The following HERC1 variants were observed in gnomAD, a reference collection of about 807,000 sequenced individuals.
The protein encoded by HERC1 is HECT and RLD domain containing E3 ubiquitin protein ligase family member 1.
In HERC1, 160 loss-of-function variants were observed where a neutral mutation model predicts 554.3. The observed-to-expected ratio is 0.29, with a 90% CI of 0.25 to 0.33. The LOEUF (loss-of-function observed/expected upper bound fraction) is 0.33, where lower values mean the gene tolerates loss of function less well. Ranked by LOEUF, HERC1 falls within the 10% of genes least tolerant of loss-of-function variation. The pLI is 1.00. For missense variants in HERC1, 4,919 were observed against 5,918.5 expected, an observed-to-expected ratio of 0.83 and a Z score of 5.54; for synonymous variants, 2,175 against 2,131.7, an observed-to-expected ratio of 1.02 and a Z score of -0.56.
intron 2 of HERC1, among the ~76,000 whole-genome samples, chr15:63,766,490 A>T (rs981615169): frequency 6.6e-6 from 1 of 152,186 alleles, no homozygotes; most frequent in Non-Finnish European, 1.5e-5. Context: ...TGAGAGGCTG[A>T]GGCAGGAAAA....
At chr15:63,780,185 T>A (rs1038883416) in intron 1 of HERC1, among the ~76,000 whole-genome samples, 3 of 152,168 alleles carry the variant, frequency 2.0e-5, no homozygotes, top group African/African-American at 7.2e-5. Flanking sequence ...GCTCCTATCC[T>A]ATTTTAGATT....
chr15:63,658,177 G>A (rs762213636), intron 48 of HERC1, among the ~76,000 whole-genome samples: 5 of 152,026 alleles, frequency 3.3e-5, no homozygotes, highest in South Asian at 2.1e-4. Context: ...GTATCAACAC[G>A]GCAAGGATCC....
rs547264312 is a variant in HERC1 at position 63,716,355 on chromosome 15, G to C, written c.4097C>G (p.Pro1366Arg). The C allele has an allele frequency of 6.2e-7, 1 of 1,613,658 alleles. No homozygotes were observed. Among genetic ancestry groups the C allele is most frequent in the Non-Finnish European group, 8.5e-7 (1 of 1,179,782 alleles). The change falls in exon 22 of 78, where the codon CCG becomes CGG. Residue 1366 changes from proline to arginine, a missense_variant. Transcript: ENST00000443617. ...QAERDREEGH[P>R]EPEDEEEERE... Reference sequence around the variant, plus strand: ...TTCCTCCTCTTCATCCTCTGGCTCCGGATGCCCCTCTTCCCGGTCTCTCTC... The same window carrying C: ...TTCCTCCTCTTCATCCTCTGGCTCCCGATGCCCCTCTTCCCGGTCTCTCTC...
At position 63,656,126 on chromosome 15, in the gene HERC1, G is replaced by A; in HGVS notation, c.9832C>T (p.Pro3278Ser). The change falls in exon 49 of 78, where the codon CCT becomes TCT. Residue 3278 changes from proline (P) to serine (S), a missense_variant. Around this residue, in one of 11 missense-constraint regions of HERC1, gnomAD observed 1,963 missense variants for 2,228.6 expected, o/e 0.88. Transcript: ENST00000443617. ...TAVGCLASNA[P>S]SAAKLLVQLC... Reference sequence around the variant, plus strand: ...TGTACAAGCAGTTTGGCAGCACTAGGAGCATTTGATGCCAGACATCCCACT... The same window carrying A: ...TGTACAAGCAGTTTGGCAGCACTAGAAGCATTTGATGCCAGACATCCCACT... 5 of 1,612,822 alleles carry A rather than the reference G, an allele frequency of 3.1e-6. No homozygotes were observed. The highest frequency in any genetic ancestry group is 4.2e-6 in the Non-Finnish European group (5 of 1,179,348).
chr15:63,617,242 T>A (rs1301355403), intron 74 of HERC1, among the ~76,000 whole-genome samples: 3 of 152,142 alleles, frequency 2.0e-5, no homozygotes, highest in African/African-American at 7.2e-5. Flanking sequence ...TTCCCACCTA[T>A]GAGTGAGAAC....
chr15:63,827,064 T>G (rs2077964175), intron 1 of HERC1, among the ~76,000 whole-genome samples: 2 of 151,830 alleles, frequency 1.3e-5, no homozygotes, highest in South Asian at 4.1e-4. Context: ...AGAAACAACC[T>G]AAATGCCCAT....
At chr15:63,779,122 A>G (rs75057128) in intron 1 of HERC1, among the ~76,000 whole-genome samples, 1,629 of 152,172 alleles carry the variant, frequency 0.011, 21 homozygotes, top group African/African-American at 0.036. Flanking sequence ...TTAGAAAAAG[A>G]TAAGAAAAAA....
chr15:63,634,475 T>C (rs2152815349), intron 66 of HERC1, among the ~76,000 whole-genome samples: 1 of 152,308 alleles, frequency 6.6e-6, no homozygotes, highest in East Asian at 1.9e-4. Context: ...TATTAGTATG[T>C]TATGGAGGGG....
At chr15:63,651,080 T>C (rs1333413468) in intron 53 of HERC1, among the ~76,000 whole-genome samples, 173 bp downstream of exon 53, 1 of 152,234 alleles carries the variant, frequency 6.6e-6, no homozygotes, top group Non-Finnish European at 1.5e-5. Context: ...AGTGAATAAA[T>C]GAGCACTTCC....
chr15:63,612,512 C>A lies in HERC1; in HGVS notation c.14139G>T (p.Pro4713=), dbSNP rs149568447. ...GTTTTGCTGTGAGGAGGGACAGCAG[C>A]GGCACAGGAACAATCCAGGACATCC... ...REGMSWIVPV[P]LLSLLTAKQL... is the part of the protein sequence containing the mutation. Residue 4713 remains proline, a synonymous_variant, in exon 77 of 78, where the codon CCG becomes CCT. Transcript: ENST00000443617. The surrounding 1 kb of genome is among the most constrained non-coding windows in gnomAD (Gnocchi z 5.0). 2 of 1,613,996 alleles carry A rather than the reference C, an allele frequency of 1.2e-6. No individual in the cohort carries two copies. The highest frequency in any genetic ancestry group is 3.3e-5 in the Admixed American group (2 of 60,024).
intron 37 of HERC1, among the ~76,000 whole-genome samples, chr15:63,676,432 C>A (rs1300395071): frequency 6.6e-6 from 1 of 152,094 alleles, no homozygotes; most frequent in East Asian, 1.9e-4. Flanking sequence ...TGAAACAGTA[C>A]CACTCCAAAA....
Position 63,674,994 on chromosome 15 carries a change from A to G in HERC1, c.7194T>C (p.Tyr2398=). The G allele has an allele frequency of 6.2e-6, 10 of 1,613,900 alleles. No individual in the cohort carries two copies. The highest frequency in any genetic ancestry group is 8.5e-6 in the Non-Finnish European group (10 of 1,179,874). The change falls in exon 38 of 78, where the codon TAT becomes TAC. Residue 2398 remains tyrosine (Y), a synonymous_variant. Coordinates refer to ENST00000443617, the MANE Select transcript of HERC1 (RefSeq NM_003922.4). ...LTASVLLDLT[Y]LTGVHEDMGK... ...CCATGTCTTCATGAACGCCAGTGAG[A>G]TATGTTAGGTCCAGCAGCACAGAAG...
Position 63,744,164 on chromosome 15 carries a change from G to GTGTGTGTGTGTGTGTGTGTC in HERC1, c.2520+2753_2520+2754insGACACACACACACACACACA. On this transcript the variant is annotated intron_variant, in intron 12 of 77. Coordinates refer to ENST00000443617, the MANE Select transcript of HERC1 (RefSeq NM_003922.4). ...TGTGTGTGTGTGTGTGTGTGTGTGT[G>GTGTGTGTGTGTGTGTGTGTC]TCTCTCTCTCTCTCTCTCTCTCTCT... Among the ~76,000 whole-genome samples, 205 of 46,168 alleles carry GTGTGTGTGTGTGTGTGTGTC rather than the reference G, an allele frequency of 4.4e-3. 2 individuals are homozygous for GTGTGTGTGTGTGTGTGTGTC. Among genetic ancestry groups the GTGTGTGTGTGTGTGTGTGTC allele is most frequent in the East Asian group, 0.016 (32 of 2,018 alleles). 30.3% of individuals were successfully genotyped at this position (46,168 alleles called of 152,430 possible).
At chr15:63,759,361 T>C (rs2075533851) in intron 3 of HERC1, among the ~76,000 whole-genome samples, 1 of 152,192 alleles carries the variant, frequency 6.6e-6, no homozygotes, top group South Asian at 2.1e-4. Context: ...TAGAATATAA[T>C]GGTAAAGTCT....
At chr15:63,808,186 A>G (rs1439409188) in intron 1 of HERC1, among the ~76,000 whole-genome samples, 2 of 151,792 alleles carry the variant, frequency 1.3e-5, no homozygotes, top group Admixed American at 6.6e-5. Context: ...AAGCAGCTAT[A>G]AGCAAATTTA....
In HERC1 at chr15:63,729,257, T is replaced by A. The variant is rs757120563; in HGVS notation, c.3133A>T (p.Ser1045Cys). The change falls in exon 16 of 78, where the codon AGT becomes TGT. Residue 1045 changes from serine to cysteine, a missense_variant. Around this residue, in one of 11 missense-constraint regions of HERC1, gnomAD observed 1,121 missense variants for 1,244.0 expected, o/e 0.90. Coordinates refer to ENST00000443617, the MANE Select transcript of HERC1 (RefSeq NM_003922.4). ...TCACCTCTTAATTTTTCTCCAACAC[T>A]GCCATTCCAAGGACTTTCTTTGAGC... is the stretch of plus-strand genomic sequence containing the variant. ...NLLKESPWNG[S>C]VGEKLRDVIY... The A allele has an allele frequency of 5.0e-6, 8 of 1,604,490 alleles. No homozygotes were observed. The East Asian group carries it at 1.6e-4, about 31-fold the overall frequency.
intron 69 of HERC1, 128 bp downstream of exon 69, chr15:63,630,338 C>T: frequency 2.1e-6 from 2 of 938,270 alleles, no homozygotes; most frequent in South Asian, 3.2e-5. Context: ...TAATCAGTCC[C>T]ATAGCAAAGT....
chr15:63,710,871 C>A (rs879660421), intron 24 of HERC1, among the ~76,000 whole-genome samples: 1 of 152,130 alleles, frequency 6.6e-6, no homozygotes, highest in Admixed American at 6.5e-5. Context: ...TCCAGTGTGA[C>A]AGAAGGAGAA....
At chr15:63,802,056 A>G (rs1030276147) in intron 1 of HERC1, among the ~76,000 whole-genome samples, 3 of 152,202 alleles carry the variant, frequency 2.0e-5, no homozygotes, top group Non-Finnish European at 2.9e-5. Context: ...GAAAGTGTCA[A>G]TAAAGACTTC....
Sources: gnomAD v4.1 joint callset for allele counts (sites outside exome capture counted in the v4.1 genomes callset) on GRCh38, gnomAD v4.1.1 for gene constraint, gnomAD v4.1.1 regional missense constraint, Gnocchi (gnomAD v3.1) non-coding constraint, MANE v1.5 for transcripts, NCBI Gene and HGNC (gene_info 2026-07-23, HGNC 2026-07-21) for gene names.